The following SLC16A2 variants were observed in gnomAD, a reference collection of about 807,000 sequenced individuals.
SLC16A2 encodes the protein monocarboxylate transporter 8.
SLC16A2 carries 3 observed loss-of-function variants against 27.2 expected under a neutral mutation model. That is an observed-to-expected ratio of 0.11 (90% confidence interval 0.05 to 0.28). SLC16A2 has a LOEUF of 0.28. SLC16A2 is among the 10% of genes least tolerant of loss of function. The probability of loss-of-function intolerance (pLI) is 1.00; values close to 1 mark genes in which losing one functional copy is unlikely to be tolerated. For synonymous variants in SLC16A2, 202 were observed against 187.8 expected (o/e 1.08, Z -0.62); for missense variants, 295 against 458.5 (o/e 0.64, Z 3.26).
rs757856800 is a variant in SLC16A2, at chrX:74,501,700, G to A, written c.431-19290G>A. 3.0e-3 allele frequency among the ~76,000 whole-genome samples: 334 copies of A among 111,487 alleles called. 1 individual carries two copies. The highest frequency in any genetic ancestry group is 3.9e-3 in the Admixed American group (41 of 10,533). On this transcript the variant is annotated intron_variant, in intron 1 of 5. Coordinates refer to ENST00000587091, the MANE Select transcript of SLC16A2 (RefSeq NM_006517.5). ...GCGTCTGGGGTATTCCATGCCTCAG[G>A]CCTAAGGGTATGGCCTCAGCGACTC...
intron 1 of SLC16A2, among the ~76,000 whole-genome samples, chrX:74,444,810 T>C (rs1409369663): frequency 8.9e-6 from 1 of 111,871 alleles, no homozygotes; most frequent in Non-Finnish European, 1.9e-5. Context: ...TACACAATAA[T>C]GCAAATTTGC....
intron 1 of SLC16A2, among the ~76,000 whole-genome samples, chrX:74,428,623 C>T (rs1238557446): frequency 2.7e-5 from 3 of 111,062 alleles, no homozygotes; most frequent in Non-Finnish European, 5.7e-5. Flanking sequence ...GGCCTCCCTT[C>T]CCCCTTTCCC....
chrX:74,467,563 T>C (rs1388691851), intron 1 of SLC16A2, among the ~76,000 whole-genome samples: 3 of 111,605 alleles, frequency 2.7e-5, no homozygotes, highest in African/African-American at 9.8e-5. Context: ...TGTGCACATT[T>C]AATTTTCCAA....
intron 1 of SLC16A2, among the ~76,000 whole-genome samples, chrX:74,476,341 T>C (rs1929477139): frequency 8.9e-6 from 1 of 112,345 alleles, no homozygotes; most frequent in Non-Finnish European, 1.9e-5. Context: ...TCCTGAGACT[T>C]TGCTGAAGTT....
chrX:74,471,275 G>T (rs986121505), intron 1 of SLC16A2, among the ~76,000 whole-genome samples: 5 of 112,054 alleles, frequency 4.5e-5, no homozygotes, highest in Non-Finnish European at 3.8e-5. Context: ...TTTGTGAAGG[G>T]TGTAAGCTCT....
At chrX:74,443,513 G>A (rs1469619736) in intron 1 of SLC16A2, among the ~76,000 whole-genome samples, 5 of 112,142 alleles carry the variant, frequency 4.5e-5, no homozygotes, top group Non-Finnish European at 5.6e-5. Flanking sequence ...CTCGGGCTGA[G>A]TTGGCCCGGG....
intron 1 of SLC16A2, among the ~76,000 whole-genome samples, chrX:74,474,726 C>T (rs56896406): frequency 0.015 from 1,607 of 109,563 alleles, 33 homozygotes; most frequent in African/African-American, 0.051. Context: ...GAGAACATGC[C>T]GTGTTTGGTT....
chrX:74,453,336 C>T (rs1928978902), intron 1 of SLC16A2, among the ~76,000 whole-genome samples: 1 of 110,961 alleles, frequency 9.0e-6, no homozygotes, highest in African/African-American at 3.3e-5. Context: ...TGCCTGGCAG[C>T]AGGTTGCTTT....
rs1330085853 is a variant in SLC16A2, at chrX:74,423,353, C to T, written c.430+1286C>T. Among the ~76,000 whole-genome samples the T allele has an allele frequency of 5.4e-5, 6 of 112,022 alleles. No individual in the cohort carries two copies. In the Admixed American group the frequency reaches 5.7e-4, roughly 11 times the overall value. ...CTCCAACCCCCACATATTTCTACTG[C>T]CATTTGAGGGGACCTGGGAATTATT... On this transcript the variant is annotated intron_variant, in intron 1 of 5. Transcript: ENST00000587091.
At chrX:74,527,542 T>C (rs1930502734) in intron 4 of SLC16A2, among the ~76,000 whole-genome samples, 1 of 112,100 alleles carries the variant, frequency 8.9e-6, no homozygotes, top group Admixed American at 9.4e-5. Flanking sequence ...GACAAGCACA[T>C]ATCTCTGGCT....
Position 74,524,435 on chromosome X carries a change from G to A in SLC16A2, c.652G>A (p.Val218Ile), listed in dbSNP as rs765020281. ...GCSFAFQPSLVILGHYFQRRL... is the reference protein window; with the variant it reads ...GCSFAFQPSLIILGHYFQRRL... ...TTCCTTCGCCTTTCAGCCATCCCTCGTCATCCTGGGCCACTACTTTCAACG... is the reference window on the plus strand; with the variant it reads ...TTCCTTCGCCTTTCAGCCATCCCTCATCATCCTGGGCCACTACTTTCAACG... Residue 218 changes from valine (V) to isoleucine (I), a missense_variant, in exon 3 of 6, where the codon GTC (valine) becomes ATC (isoleucine). By Grantham distance (29) the Val-to-Ile change is conservative. Coordinates refer to ENST00000587091, the MANE Select transcript of SLC16A2 (RefSeq NM_006517.5). 4.1e-6 allele frequency: 5 copies of A among 1,209,682 alleles called. No homozygotes were observed. Among genetic ancestry groups the A allele is most frequent in the Admixed American group, 4.4e-5 (2 of 45,716 alleles).
Position 74,472,277 on chromosome X carries a change from A to G in SLC16A2, c.431-48713A>G, listed in dbSNP as rs760754313. 1.3e-4 allele frequency among the ~76,000 whole-genome samples: 14 copies of G among 111,836 alleles called. No homozygotes were observed. The East Asian group carries it at 3.6e-3, about 29-fold the overall frequency. ...GCTTTTAAAATTATTTCTAAAAACT[A>G]TTGCCTATTCTATTTACTTCTATGC... On this transcript the variant is annotated intron_variant, in intron 1 of 5. Coordinates refer to ENST00000587091, the MANE Select transcript of SLC16A2 (RefSeq NM_006517.5).
intron 2 of SLC16A2, among the ~76,000 whole-genome samples, chrX:74,523,459 T>C (rs1930441277): frequency 8.9e-6 from 1 of 112,127 alleles, no homozygotes; most frequent in South Asian, 3.7e-4. Context: ...AACAAAATTC[T>C]TTACTAGGTT....
intron 1 of SLC16A2, among the ~76,000 whole-genome samples, chrX:74,517,834 T>A (rs1447839252): frequency 8.9e-6 from 1 of 112,115 alleles, no homozygotes; most frequent in Non-Finnish European, 1.9e-5. Flanking sequence ...CCTACTGATT[T>A]GTTTTCCTGT....
chrX:74,525,719 T>G (rs1346639362), intron 3 of SLC16A2, 31 bp from the exon 4 acceptor site: 1 of 1,210,397 alleles, frequency 8.3e-7, no homozygotes. Context: ...TCTCCTCCTG[T>G]TTCTGGGGAT....
intron 1 of SLC16A2, among the ~76,000 whole-genome samples, chrX:74,480,284 T>A (rs756016151): frequency 1.8e-5 from 2 of 112,688 alleles, no homozygotes; most frequent in South Asian, 3.7e-4. Context: ...CTCCCAGCCA[T>A]GCACGGGATA....
chrX:74,494,856 A>G (rs1283623697), intron 1 of SLC16A2, among the ~76,000 whole-genome samples: 2 of 111,386 alleles, frequency 1.8e-5, no homozygotes, highest in Non-Finnish European at 3.8e-5. Flanking sequence ...ATGTGCTATA[A>G]TGACCACACT....
At chrX:74,498,981 C>T (rs1213369487) in intron 1 of SLC16A2, among the ~76,000 whole-genome samples, 1 of 111,932 alleles carries the variant, frequency 8.9e-6, no homozygotes, top group East Asian at 2.8e-4. Flanking sequence ...GGTTCCACCT[C>T]CCTTCTCTCT....
chrX:74,456,538 C>T (rs1384038369), intron 1 of SLC16A2, among the ~76,000 whole-genome samples: 2 of 111,484 alleles, frequency 1.8e-5, no homozygotes, highest in Non-Finnish European at 3.8e-5. Context: ...ACAACAACAA[C>T]AACAACAACC....
Sources: allele counts gnomAD v4.1 joint callset (sites outside exome capture counted in the v4.1 genomes callset), GRCh38; gene constraint gnomAD v4.1.1; transcripts MANE v1.5; gene names NCBI Gene and HGNC (gene_info 2026-07-23, HGNC 2026-07-21).